Variants in CLNK observed in about 807,000 individuals in gnomAD.
The protein encoded by CLNK is cytokine-dependent hematopoietic cell linker.
CLNK carries 74 observed loss-of-function variants against 68.6 expected under a neutral mutation model. That is an observed-to-expected ratio of 1.08 (90% CI 0.89 to 1.31). CLNK has a LOEUF of 1.31. CLNK is among the 50% of genes most tolerant of loss of function. CLNK has a pLI of 0.00. For missense variants in CLNK, 553 were observed against 515.3 expected, an observed-to-expected ratio of 1.07 and a Z score of -0.71; for synonymous variants, 198 against 172.2, an observed-to-expected ratio of 1.15 and a Z score of -1.17.
At chr4:10,511,257 G>T (rs1371910090) in intron 16 of CLNK, among the ~76,000 whole-genome samples, 1 of 152,104 alleles carries the variant, frequency 6.6e-6, no homozygotes, top group Non-Finnish European at 1.5e-5. Context: ...TTGGGCACAT[G>T]TTCTCAGGAT....
At chr4:10,511,039 G>T in intron 16 of CLNK, among the ~76,000 whole-genome samples, 1 of 152,182 alleles carries the variant, frequency 6.6e-6, no homozygotes, top group South Asian at 2.1e-4. Flanking sequence ...TGTAATCCCA[G>T]ATACTTGGGA....
the CLNK span, among the ~76,000 whole-genome samples, chr4:10,707,919 C>T: frequency 2.4e-4 from 36 of 152,302 alleles, no homozygotes; most frequent in Middle Eastern, 3.4e-3. Context: ...GAGGAAAGTG[C>T]AGAGGATGTC....
intron 1 of CLNK, among the ~76,000 whole-genome samples, chr4:10,675,947 T>C (rs1724854294): frequency 6.6e-6 from 1 of 152,160 alleles, no homozygotes; most frequent in African/African-American, 2.4e-5. Context: ...CACATCTGAC[T>C]TTTTCTGCAC....
chr4:10,512,143 T>C (rs1170912504), intron 16 of CLNK, among the ~76,000 whole-genome samples: 2 of 152,162 alleles, frequency 1.3e-5, no homozygotes, highest in Non-Finnish European at 2.9e-5. Context: ...GACCTCTAGT[T>C]AGAACCAAGT....
chr4:10,491,761 A>G (rs1716582326), intron 18 of CLNK, among the ~76,000 whole-genome samples: 1 of 135,830 alleles, frequency 7.4e-6, no homozygotes, highest in Admixed American at 7.5e-5. Flanking sequence ...ACTTGAGCAT[A>G]TATAGTAATT....
intron 2 of CLNK, among the ~76,000 whole-genome samples, chr4:10,616,489 A>G (rs1722230140): frequency 6.6e-6 from 1 of 152,222 alleles, no homozygotes; most frequent in African/African-American, 2.4e-5. Flanking sequence ...TCTCTGAAGA[A>G]CAAGTAAAGT....
intron 14 of CLNK, 46 bp from the exon 15 acceptor site, chr4:10,520,877 TTGG>T (rs1365156130): frequency 1.4e-6 from 2 of 1,463,730 alleles, no homozygotes; most frequent in Non-Finnish European, 1.9e-6. Context: ...GTATTTCCCC[TTGG>T]TGGTAAAATT....
At chr4:10,513,345 G>T in intron 16 of CLNK, 119 bp downstream of exon 16, 1 of 877,586 alleles carries the variant, frequency 1.1e-6, no homozygotes, top group Non-Finnish European at 1.7e-6. Context: ...GTAACATATA[G>T]CCAGAAGGGA....
intron 2 of CLNK, among the ~76,000 whole-genome samples, chr4:10,623,135 G>A (rs1227401544): frequency 1.3e-5 from 2 of 152,150 alleles, no homozygotes; most frequent in African/African-American, 4.8e-5. Flanking sequence ...TAAAAAATCT[G>A]CATTACCTAC....
Position 10,667,884 on chromosome 4 carries a change from G to A in CLNK, c.-15C>T. ...TGCCTGTTCATAGTTCTTGGCACCT[G>A]GCGGGTAAGAGGGATCTTCAATTCA... On this transcript the variant is annotated 5_prime_UTR_variant, in exon 2 of 19. Transcript: ENST00000226951. The A allele has an allele frequency of 7.4e-7, 1 of 1,347,728 alleles. No homozygotes were observed. Among genetic ancestry groups the A allele is most frequent in the East Asian group, 4.0e-5 (1 of 25,246 alleles). The allele number at this position is 1,347,728 out of a possible 1,614,324, so 83.5% of individuals were successfully genotyped here.
chr4:10,613,703 G>A lies in CLNK; in HGVS notation c.12-15654C>T, dbSNP rs79886685. On this transcript the variant is annotated intron_variant, in intron 2 of 18. Coordinates refer to ENST00000226951, the MANE Select transcript of CLNK (RefSeq NM_052964.4). ...GGAAGCTATTGCCACAACCCCAGCA[G>A]GAGATGGAACAGGGTGGGAGCAGGG... is the stretch of plus-strand genomic sequence containing the variant. Among the ~76,000 whole-genome samples the A allele has an allele frequency of 6.1e-3, 936 of 152,304 alleles. 7 individuals carry two copies. The highest frequency in any genetic ancestry group is 8.8e-3 in the Non-Finnish European group (597 of 68,024).
At chr4:10,604,502 C>G (rs1389576179) in intron 2 of CLNK, among the ~76,000 whole-genome samples, 2 of 151,938 alleles carry the variant, frequency 1.3e-5, no homozygotes, top group Admixed American at 6.6e-5. Context: ...ACACCATGGC[C>G]TAGATGCCAG....
chr4:10,608,549 C>A (rs868370314), intron 2 of CLNK, among the ~76,000 whole-genome samples: 18 of 152,252 alleles, frequency 1.2e-4, no homozygotes, highest in East Asian at 7.7e-4. Context: ...TCGTCTCGAA[C>A]CTTTTGCCTC....
chr4:10,505,967 T>C (rs1377220445), intron 17 of CLNK, among the ~76,000 whole-genome samples: 2 of 152,242 alleles, frequency 1.3e-5, no homozygotes, highest in Non-Finnish European at 2.9e-5. Context: ...TTATTGTAGA[T>C]CTATCATTTA....
chr4:10,628,133 G>GT (rs1415328378), intron 2 of CLNK, among the ~76,000 whole-genome samples: 2 of 152,162 alleles, frequency 1.3e-5, no homozygotes, highest in Non-Finnish European at 2.9e-5. Context: ...ATGTGTACCT[G>GT]TTTATATTAC....
At chr4:10,619,646 A>G (rs1237219347) in intron 2 of CLNK, among the ~76,000 whole-genome samples, 1 of 152,120 alleles carries the variant, frequency 6.6e-6, no homozygotes, top group East Asian at 1.9e-4. Flanking sequence ...AGGAAAAGGG[A>G]CATTCAGTAA....
chr4:10,605,137 C>A (rs903589442), intron 2 of CLNK, among the ~76,000 whole-genome samples: 1 of 152,184 alleles, frequency 6.6e-6, no homozygotes, highest in Non-Finnish European at 1.5e-5. Flanking sequence ...CAACTCTTAC[C>A]CGGATCTCTC....
intron 16 of CLNK, among the ~76,000 whole-genome samples, chr4:10,508,637 G>C (rs6811524): frequency 3.2e-4 from 49 of 152,272 alleles, no homozygotes; most frequent in African/African-American, 9.6e-4. Flanking sequence ...TCATGGACTT[G>C]CAATTCCTTC....
intron 2 of CLNK, among the ~76,000 whole-genome samples, chr4:10,601,134 C>A (rs946251413): frequency 2.0e-5 from 3 of 152,226 alleles, no homozygotes; most frequent in South Asian, 2.1e-4. Flanking sequence ...GGAAACGGGA[C>A]CCTAGAGTGG....
Sources: allele counts gnomAD v4.1 joint callset (sites outside exome capture counted in the v4.1 genomes callset), GRCh38; gene constraint gnomAD v4.1.1; transcripts MANE v1.5; gene names NCBI Gene and HGNC (gene_info 2026-07-23, HGNC 2026-07-21).